The following MMP16 variants were observed in gnomAD, a reference collection of about 807,000 sequenced individuals.
MMP16 encodes matrix metallopeptidase 16, also known as matrix metalloproteinase-16.
A neutral mutation model predicts 67.8 loss-of-function variants in MMP16; 12 were observed. The observed-to-expected ratio is 0.18, with a 90% CI of 0.11 to 0.29. The LOEUF (loss-of-function observed/expected upper bound fraction) is 0.29. Among genes scored for constraint, MMP16 ranks in the 10% least tolerant of loss-of-function variants. The pLI is 1.00. For synonymous variants in MMP16, 249 were observed against 255.9 expected (o/e 0.97, Z 0.26); for missense variants, 475 against 765.7 (o/e 0.62, Z 4.48).
chr8:88,079,319 G>A (rs901897727), intron 6 of MMP16, among the ~76,000 whole-genome samples: 6 of 152,036 alleles, frequency 3.9e-5, no homozygotes, highest in Non-Finnish European at 8.8e-5. Flanking sequence ...GACCATATAC[G>A]CAAAACTTTT....
chr8:88,257,263 A>T (rs1915017), intron 1 of MMP16, among the ~76,000 whole-genome samples: 97,306 of 152,138 alleles, frequency 0.64, 33,095 homozygotes, highest in East Asian at 0.88. Flanking sequence ...ATGTCTTAGC[A>T]TGTTACCTGT....
At position 88,173,196 on chromosome 8, in the gene MMP16, T is replaced by G. The variant is rs58804435; in HGVS notation, c.405-5223A>C. 5.3e-3 allele frequency among the ~76,000 whole-genome samples: 809 copies of G among 152,108 alleles called. 2 individuals carry two copies. Among genetic ancestry groups the G allele is most frequent in the African/African-American group, 0.018 (754 of 41,526 alleles). ...CCTCCCGAGTAGCTGGGACTACAGT[T>G]GTGCACCACCACGCCTGGCTAATTT... On this transcript the variant is annotated intron_variant, in intron 3 of 9. Coordinates refer to ENST00000286614, the MANE Select transcript of MMP16 (RefSeq NM_005941.5).
intron 1 of MMP16, among the ~76,000 whole-genome samples, chr8:88,218,948 C>A (rs1205095696): frequency 6.6e-6 from 1 of 151,922 alleles, no homozygotes; most frequent in East Asian, 1.9e-4. Flanking sequence ...AAATCAAATC[C>A]CTAAGTATTA....
At chr8:88,049,816 G>C (rs375730406) in intron 8 of MMP16, among the ~76,000 whole-genome samples, 1 of 152,092 alleles carries the variant, frequency 6.6e-6, no homozygotes, top group African/African-American at 2.4e-5. Context: ...TTGAGCCCAC[G>C]AGTTTGAGAA....
At chr8:88,069,555 T>C (rs374454371) in intron 7 of MMP16, 1 of 482,316 alleles carries the variant, frequency 2.1e-6, no homozygotes, top group East Asian at 6.4e-5. Flanking sequence ...CTGTCCAGTA[T>C]GATGAAGAAA....
At chr8:88,045,346 C>G (rs1808185439) in intron 9 of MMP16, among the ~76,000 whole-genome samples, 1 of 151,676 alleles carries the variant, frequency 6.6e-6, no homozygotes, top group Non-Finnish European at 1.5e-5. Flanking sequence ...CTTTTTCTTT[C>G]TTTCTTTTTC....
intron 6 of MMP16, among the ~76,000 whole-genome samples, chr8:88,083,177 T>A (rs540434668): frequency 6.6e-6 from 1 of 151,996 alleles, no homozygotes; most frequent in East Asian, 1.9e-4. Flanking sequence ...GAAATTAGAA[T>A]GAAAATAATT....
intron 3 of MMP16, among the ~76,000 whole-genome samples, chr8:88,180,825 A>G (rs1292153453): frequency 6.6e-6 from 1 of 152,196 alleles, no homozygotes; most frequent in Non-Finnish European, 1.5e-5. Flanking sequence ...TAATCTATAC[A>G]AAGAACTGTA....
intron 4 of MMP16, among the ~76,000 whole-genome samples, chr8:88,167,015 C>G (rs1808725696): frequency 6.6e-6 from 1 of 151,936 alleles, no homozygotes; most frequent in African/African-American, 2.4e-5. Context: ...AGTTAGAGAC[C>G]AGCCTGACCA....
chr8:88,275,282 C>T (rs1280916543), intron 1 of MMP16, among the ~76,000 whole-genome samples: 1 of 151,818 alleles, frequency 6.6e-6, no homozygotes, highest in Non-Finnish European at 1.5e-5. Context: ...CAAAATGAAA[C>T]TAAGAATATA....
intron 2 of MMP16, among the ~76,000 whole-genome samples, chr8:88,192,441 T>TTTTTGGTTTTTTTTA: frequency 6.6e-6 from 1 of 152,330 alleles, no homozygotes; most frequent in East Asian, 1.9e-4. Context: ...ACCAATTCTT[T>TTTTTGGTTTTTTTTA]CAACTTTTTA....
At chr8:88,066,989 T>A (rs1231337728) in intron 7 of MMP16, among the ~76,000 whole-genome samples, 1 of 152,094 alleles carries the variant, frequency 6.6e-6, no homozygotes, top group African/African-American at 2.4e-5. Context: ...ATTTCCAAGA[T>A]GACCACTTAG....
At chr8:88,308,122 C>T (rs1199419489) in intron 1 of MMP16, among the ~76,000 whole-genome samples, 1 of 151,998 alleles carries the variant, frequency 6.6e-6, no homozygotes, top group African/African-American at 2.4e-5. Context: ...GCATTTAAAG[C>T]ATTGAAAACA....
chr8:88,087,760 A>C (rs1808858586), intron 6 of MMP16, among the ~76,000 whole-genome samples: 1 of 151,624 alleles, frequency 6.6e-6, no homozygotes, highest in South Asian at 2.1e-4. Flanking sequence ...CTGGGACAAC[A>C]TAGTGAGATC....
chr8:88,183,778 C>T (rs996441227), intron 3 of MMP16, among the ~76,000 whole-genome samples: 5 of 134,404 alleles, frequency 3.7e-5, no homozygotes, highest in Non-Finnish European at 7.7e-5. Context: ...TGCAATGGCG[C>T]GATCTCGGCT....
intron 1 of MMP16, among the ~76,000 whole-genome samples, chr8:88,247,704 T>A (rs528071757): frequency 1.3e-5 from 2 of 152,186 alleles, no homozygotes; most frequent in Admixed American, 1.3e-4. Flanking sequence ...AAGTCATGAA[T>A]ATAGAATAGG....
intron 1 of MMP16, among the ~76,000 whole-genome samples, chr8:88,211,021 T>G (rs531407985): frequency 3.3e-5 from 5 of 152,308 alleles, no homozygotes; most frequent in Admixed American, 6.5e-5. Context: ...TGCCCAGGGC[T>G]ACAGAATGAG....
chr8:88,293,320 T>G (rs1810955478), intron 1 of MMP16, among the ~76,000 whole-genome samples: 1 of 151,606 alleles, frequency 6.6e-6, no homozygotes, highest in African/African-American at 2.4e-5. Context: ...ACCCCGAAAC[T>G]ACTTAATGCT....
chr8:88,108,727 G>A (rs1235732769), intron 6 of MMP16, among the ~76,000 whole-genome samples: 1 of 151,272 alleles, frequency 6.6e-6, no homozygotes, highest in African/African-American at 2.4e-5. Context: ...AAAGTGTAAG[G>A]TTTCCATTCC....
Sources: gnomAD v4.1 joint callset for allele counts (sites outside exome capture counted in the v4.1 genomes callset) on GRCh38, gnomAD v4.1.1 for gene constraint, MANE v1.5 for transcripts, NCBI Gene and HGNC (gene_info 2026-07-23, HGNC 2026-07-21) for gene names.